Variants in ZNF554 observed in about 807,000 individuals in gnomAD.
ZNF554 encodes the protein zinc finger protein 554.
In ZNF554, 15 loss-of-function variants were observed where a neutral mutation model predicts 21.2. That is an observed-to-expected ratio of 0.71 (90% CI 0.47 to 1.09). The LOEUF (loss-of-function observed/expected upper bound fraction) is 1.09. ZNF554 is among the 50% of genes least tolerant of loss of function. ZNF554 has a pLI of 0.00. For missense variants in ZNF554, 691 were observed against 662.7 expected, an observed-to-expected ratio of 1.04 and a Z score of -0.47; for synonymous variants, 258 against 251.4, an observed-to-expected ratio of 1.03 and a Z score of -0.25.
chr19:2,820,276 C>T, intron 1 of ZNF554, 152 bp downstream of exon 1: 2 of 711,848 alleles, frequency 2.8e-6, no homozygotes, highest in Non-Finnish European at 3.8e-6. Flanking sequence ...TCGCCCAGGG[C>T]CCCAACGCCC....
chr19:2,824,605 T>C (rs2087304998), intron 2 of ZNF554, among the ~76,000 whole-genome samples: 1 of 152,238 alleles, frequency 6.6e-6, no homozygotes, highest in Non-Finnish European at 1.5e-5. Context: ...TCTTAGCCGT[T>C]GATAAAACAC....
At position 2,834,415 on chromosome 19, in the gene ZNF554, T is replaced by C; in HGVS notation, c.1180T>C (p.Ser394Pro). 1 of 1,613,940 alleles carries C rather than the reference T, an allele frequency of 6.2e-7. No individual in the cohort carries two copies. The highest frequency in any genetic ancestry group is 8.5e-7 in the Non-Finnish European group (1 of 1,180,002). Reference sequence around the variant, plus strand: ...CGGGAAAGCCTTCAACAGGATCTCATCGCTGACTCAGCATCAGAGGATTCA... The same window carrying C: ...CGGGAAAGCCTTCAACAGGATCTCACCGCTGACTCAGCATCAGAGGATTCA... ...ECGKAFNRISSLTQHQRIHTG... is the reference protein window; with the variant it reads ...ECGKAFNRISPLTQHQRIHTG... The change falls in exon 5 of 5, where the codon TCG becomes CCG. Residue 394 changes from serine (S) to proline (P), a missense_variant. Transcript: ENST00000317243.
rs763642293 is a variant in ZNF554 at position 2,834,182 on chromosome 19, A to C, written c.947A>C (p.Lys316Thr). 6.2e-7 allele frequency: 1 copy of C among 1,614,048 alleles called. No homozygotes were observed. The highest frequency in any genetic ancestry group is 1.1e-5 in the South Asian group (1 of 91,084). The change falls in exon 5 of 5, where the codon AAA becomes ACA. Residue 316 changes from lysine (K) to threonine (T), a missense_variant. By Grantham distance (78) the Lys-to-Thr change is moderately conservative. Transcript: ENST00000317243. Reference sequence around the variant, plus strand: ...GGTATGGCCCTGACTATCCACAACAAAATCAACACGGCAGAGAAACCCTTT... The same window carrying C: ...GGTATGGCCCTGACTATCCACAACACAATCAACACGGCAGAGAAACCCTTT... ...NHGMALTIHN[K>T]INTAEKPFEC...
intron 3 of ZNF554, among the ~76,000 whole-genome samples, chr19:2,830,006 G>A (rs1340779563): frequency 7.3e-6 from 1 of 136,594 alleles, no homozygotes; most frequent in Non-Finnish European, 1.7e-5. Flanking sequence ...CTCACTGCAA[G>A]CTCCGCCTCC....
intron 1 of ZNF554, among the ~76,000 whole-genome samples, chr19:2,822,506 C>T (rs1360492033): frequency 6.6e-6 from 1 of 152,162 alleles, no homozygotes; most frequent in African/African-American, 2.4e-5. Flanking sequence ...GCTTCACTTC[C>T]TAATGGAGCC....
intron 1 of ZNF554, among the ~76,000 whole-genome samples, chr19:2,820,710 T>C (rs1430505242): frequency 7.0e-6 from 1 of 142,814 alleles, no homozygotes; most frequent in Non-Finnish European, 1.5e-5. Context: ...TGAGACGGAG[T>C]CTGGAGTGCA....
intron 4 of ZNF554, 128 bp downstream of exon 4, chr19:2,832,622 G>C (rs1020110321): frequency 4.3e-6 from 4 of 928,716 alleles, no homozygotes; most frequent in Non-Finnish European, 6.3e-6. Context: ...GACACCTTCA[G>C]TTCATTTTCT....
chr19:2,822,157 T>C (rs1411395306), intron 1 of ZNF554, among the ~76,000 whole-genome samples: 2 of 151,878 alleles, frequency 1.3e-5, no homozygotes, highest in African/African-American at 4.8e-5. Context: ...TTCAAATAAT[T>C]ATCGTGCCTC....
intron 3 of ZNF554, chr19:2,831,644 C>G (rs2087422154): frequency 7.2e-6 from 1 of 138,254 alleles, no homozygotes; most frequent in Non-Finnish European, 1.5e-5. Flanking sequence ...ATTGCCCAGC[C>G]TGGGGTGCAG....
chr19:2,820,158 G>A (rs1599539898), intron 1 of ZNF554, 34 bp downstream of exon 1: 2 of 1,217,868 alleles, frequency 1.6e-6, no homozygotes, highest in African/African-American at 3.1e-5. Flanking sequence ...CGCGACCTCC[G>A]TGCCGGGCCT....
At chr19:2,820,275 G>A in intron 1 of ZNF554, 151 bp downstream of exon 1, 8 of 712,480 alleles carry the variant, frequency 1.1e-5, no homozygotes, top group Non-Finnish European at 1.5e-5. Context: ...CTCGCCCAGG[G>A]CCCCAACGCC....
rs2087465011 is a variant in ZNF554, at chr19:2,834,270, T to A, written c.1035T>A (p.Ile345=). The part of the protein sequence containing the change: ...RRHSLSEHQR[I]HTGEKPYECQ... ...ATTCTTTGAGCGAACATCAAAGAAT[T>A]CACACGGGGGAGAAACCCTACGAGT... The change falls in exon 5 of 5, where the codon ATT becomes ATA. Residue 345 remains isoleucine, a synonymous_variant. Coordinates refer to ENST00000317243, the MANE Select transcript of ZNF554 (RefSeq NM_001102651.2). 6.2e-7 allele frequency: 1 copy of A among 1,613,886 alleles called. No homozygotes were observed.
rs775574335 is a variant in ZNF554, at chr19:2,835,980, C to T, written c.*1128C>T. ...GGTAGCTGGGACTACACATGTGCACCGCTACCACACCCAGCTAAATTTTTT... is the reference window on the plus strand; with the variant it reads ...GGTAGCTGGGACTACACATGTGCACTGCTACCACACCCAGCTAAATTTTTT... On this transcript the variant is annotated 3_prime_UTR_variant, in exon 5 of 5. Transcript: ENST00000317243. Among the ~76,000 whole-genome samples the T allele has an allele frequency of 3.3e-5, 5 of 152,086 alleles. No homozygotes were observed. The highest frequency in any genetic ancestry group is 2.1e-4 in the South Asian group (1 of 4,822).
At chr19:2,823,444 G>A (rs547358543) in intron 2 of ZNF554, among the ~76,000 whole-genome samples, 1 of 152,248 alleles carries the variant, frequency 6.6e-6, no homozygotes, top group East Asian at 1.9e-4. Flanking sequence ...ACAAGTGAAG[G>A]GTGAAGAAGA....
In ZNF554 at chr19:2,821,970, T is replaced by C. The variant is rs2087270198; in HGVS notation, c.54-1070T>C. On this transcript the variant is annotated intron_variant, in intron 1 of 4. Coordinates refer to ENST00000317243, the MANE Select transcript of ZNF554 (RefSeq NM_001102651.2). This position sits in a 1 kb window ranked among gnomAD's most constrained non-coding sequence, Gnocchi z 8.2. ...GAGTCACCTAGTCCAGCTGTCTCTT[T>C]CTCTTATAAGGACAATACTCATGAC... 6.6e-6 allele frequency among the ~76,000 whole-genome samples: 1 copy of C among 152,136 alleles called. No homozygotes were observed. Among genetic ancestry groups the C allele is most frequent in the Admixed American group, 6.5e-5 (1 of 15,270 alleles).
At chr19:2,824,719 A>T (rs575592604) in intron 2 of ZNF554, among the ~76,000 whole-genome samples, 1 of 152,250 alleles carries the variant, frequency 6.6e-6, no homozygotes, top group Non-Finnish European at 1.5e-5. Flanking sequence ...CATGAAATAC[A>T]TATGAACTTT....
At chr19:2,826,446 C>T (rs954955483) in intron 2 of ZNF554, 2 of 151,952 alleles carry the variant, frequency 1.3e-5, no homozygotes, top group Admixed American at 6.6e-5. Context: ...TTGTGATTCA[C>T]CTGCCTCAGC....
rs145336515 is a variant in ZNF554 at position 2,834,681 on chromosome 19, C to T, written c.1446C>T (p.His482=). 204 of 1,613,130 alleles carry T rather than the reference C, an allele frequency of 1.3e-4. No homozygotes were observed. The Middle Eastern group carries it at 2.3e-3, about 18-fold the overall frequency. Residue 482 remains histidine (H), a synonymous_variant, in exon 5 of 5, where the codon CAC becomes CAT. Transcript: ENST00000317243. ...AFSQRSSLVR[H]ERTHTGEKPY... ...GCCAGAGGTCTTCCCTTGTGAGGCACGAGAGAACTCACACTGGAGAGAAAC... is the reference window on the plus strand; with the variant it reads ...GCCAGAGGTCTTCCCTTGTGAGGCATGAGAGAACTCACACTGGAGAGAAAC...
Position 2,832,454 on chromosome 19 carries a change from G to A in ZNF554, c.405G>A (p.Leu135=), listed in dbSNP as rs758938370. 1.9e-6 allele frequency: 3 copies of A among 1,612,278 alleles called. No homozygotes were observed. The highest frequency in any genetic ancestry group is 2.5e-6 in the Non-Finnish European group (3 of 1,179,462). The change falls in exon 4 of 5, where the codon CTG becomes CTA. Residue 135 remains leucine (L), a synonymous_variant. Transcript: ENST00000317243. ...ASSHLEQREA[L]WIEEKGTPQA... ...CCCACTTGGAGCAAAGAGAAGCCCT[G>A]TGGATAGAGGAAAAAGGAACTCCTC...
Sources: gnomAD v4.1 joint callset for allele counts (sites outside exome capture counted in the v4.1 genomes callset) on GRCh38, gnomAD v4.1.1 for gene constraint, Gnocchi (gnomAD v3.1) non-coding constraint, MANE v1.5 for transcripts, NCBI Gene and HGNC (gene_info 2026-07-23, HGNC 2026-07-21) for gene names.